The following KIAA1217 variants were observed in gnomAD, a reference collection of about 807,000 sequenced individuals.
KIAA1217 encodes sickle tail protein homolog.
Under a neutral mutation model 163.9 loss-of-function variants are expected in KIAA1217, and 88 were observed. That is an observed-to-expected ratio of 0.54 (90% confidence interval 0.45 to 0.64). The LOEUF is 0.64. Ranked by LOEUF, KIAA1217 falls within the 30% of genes least tolerant of loss-of-function variation. The probability of loss-of-function intolerance (pLI) is 0.00; values close to 1 mark genes in which losing one functional copy is unlikely to be tolerated. For missense variants in KIAA1217, 2,372 were observed against 2,475.0 expected, an observed-to-expected ratio of 0.96 and a Z score of 0.88; for synonymous variants, 903 against 923.1, an observed-to-expected ratio of 0.98 and a Z score of 0.39.
chr10:23,852,613 C>G (rs551338010), intron 1 of KIAA1217, among the ~76,000 whole-genome samples: 32 of 152,284 alleles, frequency 2.1e-4, no homozygotes, highest in Non-Finnish European at 3.4e-4. Flanking sequence ...GGCCGTATGG[C>G]CATTTTCACA....
At chr10:24,448,810 T>C (rs777897186) in intron 5 of KIAA1217, among the ~76,000 whole-genome samples, 1 of 152,240 alleles carries the variant, frequency 6.6e-6, no homozygotes, top group Non-Finnish European at 1.5e-5. Context: ...ATTCACTCAA[T>C]CAGCCATAGT....
At chr10:24,490,622 G>A (rs1049013986) in intron 6 of KIAA1217, among the ~76,000 whole-genome samples, 2 of 152,158 alleles carry the variant, frequency 1.3e-5, no homozygotes, top group Non-Finnish European at 2.9e-5. Context: ...TTAAATAGGA[G>A]GGAAAATGTT....
At chr10:24,425,058 T>C (rs945276753) in intron 3 of KIAA1217, among the ~76,000 whole-genome samples, 1 of 152,218 alleles carries the variant, frequency 6.6e-6, no homozygotes, top group Non-Finnish European at 1.5e-5. Context: ...AAGCTTTTAT[T>C]TGAGCAGCCC....
At chr10:23,915,199 C>A (rs1251066424) in intron 1 of KIAA1217, among the ~76,000 whole-genome samples, 1 of 152,010 alleles carries the variant, frequency 6.6e-6, no homozygotes, top group Non-Finnish European at 1.5e-5. Context: ...AACAAGCGGT[C>A]AATGCTACAA....
At chr10:24,294,554 A>G (rs942630706) in intron 2 of KIAA1217, among the ~76,000 whole-genome samples, 4 of 152,196 alleles carry the variant, frequency 2.6e-5, no homozygotes, top group African/African-American at 9.7e-5. Context: ...AGGAGGAAAT[A>G]GACCACCGTG....
chr10:24,422,024 C>A (rs1323410985), intron 3 of KIAA1217, among the ~76,000 whole-genome samples: 1 of 152,050 alleles, frequency 6.6e-6, no homozygotes, highest in Admixed American at 6.6e-5. Context: ...GCTGGGGAGG[C>A]CTCATAATCA....
intron 2 of KIAA1217, among the ~76,000 whole-genome samples, chr10:24,026,208 A>C (rs1847932655): frequency 6.6e-6 from 1 of 151,854 alleles, no homozygotes; most frequent in African/African-American, 2.4e-5. Flanking sequence ...TATGTTCATG[A>C]TAACTTTTAA....
At chr10:24,429,124 A>G (rs989035589) in intron 3 of KIAA1217, among the ~76,000 whole-genome samples, 4 of 152,290 alleles carry the variant, frequency 2.6e-5, no homozygotes, top group Admixed American at 6.5e-5. Flanking sequence ...TAGATTGAAA[A>G]TATTTCCCTC....
chr10:24,213,272 T>G (rs1205459240), intron 1 of KIAA1217, among the ~76,000 whole-genome samples: 3 of 152,212 alleles, frequency 2.0e-5, no homozygotes, highest in Non-Finnish European at 4.4e-5. Flanking sequence ...CTCTACATTG[T>G]GACCCTGGGG....
intron 2 of KIAA1217, among the ~76,000 whole-genome samples, chr10:24,191,633 C>G (rs991048840): frequency 1.3e-5 from 2 of 152,070 alleles, no homozygotes; most frequent in African/African-American, 4.8e-5. Flanking sequence ...CTTGCAAAAG[C>G]AACCCAGAAT....
In KIAA1217 at chr10:24,524,444, G is replaced by T. The variant is rs146210961; in HGVS notation, c.2578G>T (p.Gly860Cys). Residue 860 changes from glycine (G) to cysteine (C), a missense_variant, in exon 13 of 21, where the codon GGC (glycine) becomes TGC (cysteine). By Grantham distance (159) the Gly-to-Cys change is radical (BLOSUM62 -3). Around this residue, in one of 3 missense-constraint regions of KIAA1217, gnomAD observed 1,431 missense variants for 1,470.3 expected, o/e 0.97. Transcript: ENST00000376454. ...KSQEEAAHTS[G>C]QPFHSTGAPG... ...TCAGGAGGAGGCAGCCCACACCTCC[G>T]GCCAGCCCTTCCACAGCACAGGTGC... is the stretch of plus-strand genomic sequence containing the variant. 4 of 1,614,178 alleles carry T rather than the reference G, an allele frequency of 2.5e-6. No homozygotes were observed. Among genetic ancestry groups the T allele is most frequent in the Non-Finnish European group, 3.4e-6 (4 of 1,180,024 alleles).
At chr10:24,442,021 C>T (rs1278950302) in intron 5 of KIAA1217, among the ~76,000 whole-genome samples, 2 of 152,150 alleles carry the variant, frequency 1.3e-5, no homozygotes, top group Non-Finnish European at 2.9e-5. Context: ...CCAAGACTCT[C>T]TGCTCTCATC....
chr10:24,350,207 T>G (rs2048288791), intron 2 of KIAA1217, among the ~76,000 whole-genome samples: 2 of 152,204 alleles, frequency 1.3e-5, no homozygotes, highest in Non-Finnish European at 2.9e-5. Context: ...TGTTATATTT[T>G]TATATGCTGC....
At chr10:23,887,354 C>G (rs983140529) in intron 1 of KIAA1217, among the ~76,000 whole-genome samples, 2 of 151,724 alleles carry the variant, frequency 1.3e-5, no homozygotes, top group African/African-American at 4.8e-5. Context: ...TAAATCACAG[C>G]CTTTGAAATG....
chr10:24,119,799 A>G (rs149417801), intron 2 of KIAA1217, among the ~76,000 whole-genome samples: 171 of 152,330 alleles, frequency 1.1e-3, no homozygotes, highest in African/African-American at 4.0e-3. Flanking sequence ...ATTTTGGGGA[A>G]GAGATGGCTG....
intron 1 of KIAA1217, among the ~76,000 whole-genome samples, chr10:23,721,582 G>A (rs56005902): frequency 0.025 from 3,703 of 150,974 alleles, 166 homozygotes; most frequent in African/African-American, 0.084. Context: ...CCATGTTCTC[G>A]GTGACATAAA....
chr10:24,407,428 G>C (rs957367686), intron 3 of KIAA1217, among the ~76,000 whole-genome samples: 3 of 151,986 alleles, frequency 2.0e-5, no homozygotes, highest in African/African-American at 7.2e-5. Context: ...CAAGTAGCTG[G>C]GACCAGAGAT....
chr10:23,723,631 A>T (rs1837980595), intron 1 of KIAA1217, among the ~76,000 whole-genome samples: 1 of 152,142 alleles, frequency 6.6e-6, no homozygotes, highest in African/African-American at 2.4e-5. Context: ...CAAGTATTTC[A>T]TGTTACATAA....
At chr10:24,405,872 T>C (rs1247797932) in intron 3 of KIAA1217, among the ~76,000 whole-genome samples, 1 of 152,222 alleles carries the variant, frequency 6.6e-6, no homozygotes, top group East Asian at 1.9e-4. Context: ...CTCTTGAGCA[T>C]AATGAATATG....
Sources: allele counts gnomAD v4.1 joint callset (sites outside exome capture counted in the v4.1 genomes callset), GRCh38; gene constraint gnomAD v4.1.1; regional missense constraint gnomAD v4.1.1; transcripts MANE v1.5; gene names NCBI Gene and HGNC (gene_info 2026-07-23, HGNC 2026-07-21).